Variants in NDUFAF6 observed in about 807,000 individuals in gnomAD.
NDUFAF6 encodes the protein NADH:ubiquinone oxidoreductase complex assembly factor 6, also known as NADH dehydrogenase (ubiquinone) complex I, assembly factor 6.
Under a neutral mutation model 40.8 loss-of-function variants are expected in NDUFAF6, and 45 were observed. That is an observed-to-expected ratio of 1.10 (90% CI 0.87 to 1.42). NDUFAF6 has a LOEUF of 1.42. NDUFAF6 is among the 40% of genes most tolerant of loss of function. The probability of loss-of-function intolerance (pLI) is 0.00; values close to 1 mark genes in which losing one functional copy is unlikely to be tolerated. For missense variants in NDUFAF6, 435 were observed against 418.5 expected (o/e 1.04, Z -0.34); for synonymous variants, 185 against 155.9 (o/e 1.19, Z -1.39).
chr8:94,898,676 A>G (rs1483173713), intron 1 of NDUFAF6, among the ~76,000 whole-genome samples: 2 of 152,200 alleles, frequency 1.3e-5, no homozygotes, highest in Non-Finnish European at 2.9e-5. Flanking sequence ...CACTGTGTGC[A>G]GCCCACACCT....
intron 9 of NDUFAF6, among the ~76,000 whole-genome samples, chr8:95,072,467 T>A (rs546447974): frequency 6.6e-6 from 1 of 152,308 alleles, no homozygotes; most frequent in South Asian, 2.1e-4. Context: ...TGACTGACAC[T>A]GAGATTTGTG....
At chr8:95,106,870 A>T (rs1809855868), downstream of NDUFAF6, among the ~76,000 whole-genome samples, 1 of 152,240 alleles carries the variant, frequency 6.6e-6, no homozygotes, top group Admixed American at 6.5e-5. Context: ...GTGGCCAACA[A>T]ACATATGAAA....
chr8:94,982,084 T>C (rs1825494076), intron 2 of NDUFAF6, among the ~76,000 whole-genome samples: 1 of 151,824 alleles, frequency 6.6e-6, no homozygotes, highest in African/African-American at 2.4e-5. Flanking sequence ...AAAACAAAAT[T>C]AGCCAGATGT....
chr8:94,972,198 G>T (rs1185257404), intron 1 of NDUFAF6, among the ~76,000 whole-genome samples: 1 of 152,144 alleles, frequency 6.6e-6, no homozygotes, highest in East Asian at 1.9e-4. Flanking sequence ...TTGGTCCATG[G>T]AGTAGCAAGG....
chr8:95,003,130 C>G (rs972486744), intron 2 of NDUFAF6, among the ~76,000 whole-genome samples: 3 of 152,256 alleles, frequency 2.0e-5, no homozygotes, highest in Admixed American at 6.5e-5. Context: ...TATTCAGAAG[C>G]CATAGCAGAT....
intron 1 of NDUFAF6, among the ~76,000 whole-genome samples, chr8:94,935,831 A>G (rs983853972): frequency 1.3e-5 from 2 of 152,184 alleles, no homozygotes; most frequent in Admixed American, 6.5e-5. Flanking sequence ...CCTTTACCTA[A>G]ATGTTTTATG....
intron 2 of NDUFAF6, among the ~76,000 whole-genome samples, chr8:95,092,606 A>C (rs1421904430): frequency 1.3e-5 from 1 of 78,714 alleles, no homozygotes; most frequent in African/African-American, 5.3e-5. Context: ...TTTTTTTGAG[A>C]TAGAGTCTCG....
At chr8:94,935,628 A>G (rs2131341305) in intron 1 of NDUFAF6, among the ~76,000 whole-genome samples, 1 of 152,318 alleles carries the variant, frequency 6.6e-6, no homozygotes, top group Admixed American at 6.5e-5. Flanking sequence ...ACAAGTGGGT[A>G]AAATGGTCGG....
At chr8:95,086,028 A>G (rs1809033003) in intron 2 of NDUFAF6, among the ~76,000 whole-genome samples, 1 of 152,170 alleles carries the variant, frequency 6.6e-6, no homozygotes, top group African/African-American at 2.4e-5. Context: ...CATGATCCAC[A>G]GCTTACCCAG....
At chr8:94,964,955 C>T (rs1823892185) in intron 1 of NDUFAF6, among the ~76,000 whole-genome samples, 1 of 152,232 alleles carries the variant, frequency 6.6e-6, no homozygotes, top group South Asian at 2.1e-4. Context: ...CTTTCCTCTT[C>T]TCAGGTCCAG....
intron 1 of NDUFAF6, among the ~76,000 whole-genome samples, chr8:94,938,636 G>A (rs1011182764): frequency 2.0e-5 from 3 of 152,234 alleles, no homozygotes; most frequent in Non-Finnish European, 4.4e-5. Flanking sequence ...CCTATGTACT[G>A]ATGCCTCCAT....
At chr8:95,021,713 T>C (rs1485719734), upstream of NDUFAF6, among the ~76,000 whole-genome samples, 1 of 152,252 alleles carries the variant, frequency 6.6e-6, no homozygotes, top group Non-Finnish European at 1.5e-5. Context: ...ATATTTGTTC[T>C]TTGACCTTTA....
chr8:94,923,992 T>G (rs1819682342), intron 1 of NDUFAF6, among the ~76,000 whole-genome samples: 1 of 151,452 alleles, frequency 6.6e-6, no homozygotes, highest in African/African-American at 2.4e-5. Context: ...CCAGCCTGAA[T>G]TTTGCTTTTT....
intron 2 of NDUFAF6, among the ~76,000 whole-genome samples, chr8:95,087,417 C>G (rs566299185): frequency 3.9e-5 from 6 of 152,132 alleles, no homozygotes; most frequent in Non-Finnish European, 7.4e-5. Flanking sequence ...ATTATTTCCT[C>G]CAAAGTTTCC....
chr8:94,914,841 T>A (rs1819022236), intron 1 of NDUFAF6, among the ~76,000 whole-genome samples: 1 of 150,806 alleles, frequency 6.6e-6, no homozygotes, highest in Non-Finnish European at 1.5e-5. Flanking sequence ...AAAAAAAAAA[T>A]ACAAAAGTGA....
chr8:94,996,076 T>G (rs1165112507), intron 2 of NDUFAF6, among the ~76,000 whole-genome samples: 2 of 152,150 alleles, frequency 1.3e-5, no homozygotes, highest in Non-Finnish European at 2.9e-5. Context: ...CCCGGCTGCT[T>G]ACTCCCTTCA....
Position 95,069,814 on chromosome 8 carries a change from T to A in NDUFAF6, c.*512-5819T>A, listed in dbSNP as rs1279872823. On this transcript the variant is annotated intron_variant and NMD_transcript_variant, in intron 9 of 9. Coordinates refer to the NDUFAF6 transcript ENST00000520757. ...AAAAAATTATATATATATATATAAATATATATATATATAATATATATGTAT... is the reference window on the plus strand; with the variant it reads ...AAAAAATTATATATATATATATAAAAATATATATATATAATATATATGTAT... Among the ~76,000 whole-genome samples the A allele has an allele frequency of 3.5e-5, 5 of 143,736 alleles. No homozygotes were observed. The East Asian group carries it at 7.9e-4, about 23-fold the overall frequency. 94.3% of individuals were successfully genotyped at this position (143,736 alleles called of 152,430 possible). A position where few individuals can be genotyped will look rare whatever the true frequency, so the allele number is the denominator to read the frequency against.
chr8:94,942,319 C>G (rs1393590798), intron 1 of NDUFAF6, among the ~76,000 whole-genome samples: 1 of 152,050 alleles, frequency 6.6e-6, no homozygotes, highest in East Asian at 1.9e-4. Context: ...GGATTACAGG[C>G]GTGAGCTGCC....
chr8:94,902,228 G>C (rs1818067745), intron 1 of NDUFAF6, among the ~76,000 whole-genome samples: 1 of 146,908 alleles, frequency 6.8e-6, no homozygotes, highest in African/African-American at 2.5e-5. Flanking sequence ...AAACCAGCCT[G>C]GCCAACATGA....
Sources: allele counts gnomAD v4.1 joint callset (sites outside exome capture counted in the v4.1 genomes callset), GRCh38; gene constraint gnomAD v4.1.1; transcripts MANE v1.5; gene names NCBI Gene and HGNC (gene_info 2026-07-23, HGNC 2026-07-21).